Variants in TSHZ2 observed in about 807,000 individuals in gnomAD.
TSHZ2 encodes the protein teashirt homolog 2.
TSHZ2 carries 21 observed loss-of-function variants against 74.4 expected under a neutral mutation model. The ratio of observed to expected loss-of-function variants is 0.28; its 90% CI spans 0.20 to 0.41. The LOEUF is 0.41. Among genes scored for constraint, TSHZ2 ranks in the 10% least tolerant of loss-of-function variants. TSHZ2 has a pLI of 1.00. For missense variants in TSHZ2, 1,244 were observed against 1,293.5 expected (o/e 0.96, Z 0.59); for synonymous variants, 540 against 515.3 (o/e 1.05, Z -0.65).
chr20:53,418,351 C>T (rs1983345603), intron 2 of TSHZ2, among the ~76,000 whole-genome samples: 1 of 152,188 alleles, frequency 6.6e-6, no homozygotes, highest in South Asian at 2.1e-4. Flanking sequence ...CTGATGCAGC[C>T]TGAGGATGTC....
chr20:53,064,689 A>AACACAC (rs111943855), intron 1 of TSHZ2, among the ~76,000 whole-genome samples: 48,451 of 150,650 alleles, frequency 0.32, 7,762 homozygotes, highest in African/African-American at 0.37. Flanking sequence ...TAGACAGAGA[A>AACACAC]ACACACACAC....
At chr20:53,399,757 G>T (rs156607) in intron 2 of TSHZ2, 38,453 of 151,978 alleles carry the variant, frequency 0.25, 8,595 homozygotes, top group African/African-American at 0.6. Context: ...TCTGAAGAGG[G>T]CTCGGTGTTT....
intron 2 of TSHZ2, among the ~76,000 whole-genome samples, chr20:53,386,167 T>C (rs1489463952): frequency 6.6e-6 from 1 of 152,192 alleles, no homozygotes; most frequent in Non-Finnish European, 1.5e-5. Flanking sequence ...TCTGTATTTA[T>C]ATAACAAGCC....
At chr20:53,185,819 A>G (rs558300863) in intron 1 of TSHZ2, 1 of 1,107,520 alleles carries the variant, frequency 9.0e-7, no homozygotes, top group African/African-American at 1.6e-5. Flanking sequence ...CAGTAATTTA[A>G]TTGAGTTTTT....
intron 1 of TSHZ2, among the ~76,000 whole-genome samples, chr20:53,055,464 AGTG>A (rs1190321027): frequency 6.6e-6 from 1 of 152,212 alleles, no homozygotes; most frequent in African/African-American, 2.4e-5. Context: ...AGTTTCAAAA[AGTG>A]GTGTGGGATT....
At chr20:53,485,641 G>A (rs968124278) in intron 2 of TSHZ2, among the ~76,000 whole-genome samples, 2 of 151,994 alleles carry the variant, frequency 1.3e-5, no homozygotes, top group Non-Finnish European at 2.9e-5. Flanking sequence ...CCCAAGAGGC[G>A]GAGGTTGTAA....
chr20:53,457,122 G>A lies in TSHZ2; in HGVS notation c.*9-30022G>A, dbSNP rs1252218765. Among the ~76,000 whole-genome samples the A allele has an allele frequency of 1.4e-3, 169 of 123,958 alleles. 6 individuals are homozygous for A. Among genetic ancestry groups the A allele is most frequent in the African/African-American group, 5.2e-3 (155 of 29,704 alleles). The allele number at this position is 123,958 out of a possible 152,430, so 81.3% of individuals were successfully genotyped here. On this transcript the variant is annotated intron_variant, in intron 2 of 2. Transcript: ENST00000371497. ...AGGCATTGGTAGCTTGATGGGGATGGCATTGAATCTGTAAATTACCTTGGG... is the reference window on the plus strand; with the variant it reads ...AGGCATTGGTAGCTTGATGGGGATGACATTGAATCTGTAAATTACCTTGGG...
chr20:53,479,899 T>TAAC (rs1253881596), intron 2 of TSHZ2, among the ~76,000 whole-genome samples: 1 of 152,056 alleles, frequency 6.6e-6, no homozygotes, highest in East Asian at 1.9e-4. Flanking sequence ...CTGAAAATAT[T>TAAC]AACAGGGCCA....
chr20:53,088,326 TAGAC>T (rs983506792), intron 1 of TSHZ2, among the ~76,000 whole-genome samples: 9 of 152,216 alleles, frequency 5.9e-5, no homozygotes, highest in African/African-American at 1.7e-4. Context: ...CTACTGGAGT[TAGAC>T]AGACATTTTA....
intron 2 of TSHZ2, among the ~76,000 whole-genome samples, chr20:53,420,652 G>C (rs965500823): frequency 6.6e-6 from 1 of 152,236 alleles, no homozygotes; most frequent in Middle Eastern, 3.4e-3. Flanking sequence ...TGAGGCAGGA[G>C]AGTGGGAGGC....
chr20:53,126,822 C>G (rs56293363), intron 1 of TSHZ2, among the ~76,000 whole-genome samples: 2,315 of 150,766 alleles, frequency 0.015, 55 homozygotes, highest in African/African-American at 0.053. Context: ...CAAGGCTTTC[C>G]GGATCCACAC....
intron 2 of TSHZ2, among the ~76,000 whole-genome samples, chr20:53,274,153 C>T (rs1407675431): frequency 1.3e-5 from 2 of 152,128 alleles, no homozygotes; most frequent in Admixed American, 6.5e-5. Context: ...GCCTGTAATC[C>T]CAGCTACTCA....
chr20:53,095,102 A>T (rs1465774303), intron 1 of TSHZ2, among the ~76,000 whole-genome samples: 1 of 152,198 alleles, frequency 6.6e-6, no homozygotes, highest in African/African-American at 2.4e-5. Flanking sequence ...CACGCAACTC[A>T]AAAGTCTAGG....
At chr20:53,089,320 C>CTTTTTT (rs5841928) in intron 1 of TSHZ2, among the ~76,000 whole-genome samples, 2 of 100,022 alleles carry the variant, frequency 2.0e-5, no homozygotes, top group Admixed American at 1.0e-4. Context: ...ATGGGATTTT[C>CTTTTTT]TTTTTTTTTT....
At chr20:53,007,592 G>A (rs761645495) in intron 1 of TSHZ2, among the ~76,000 whole-genome samples, 9 of 152,038 alleles carry the variant, frequency 5.9e-5, no homozygotes, top group Non-Finnish European at 1.0e-4. Context: ...AGTCATCCAA[G>A]AAAGAAATGT....
At chr20:53,344,229 A>T (rs560536704) in intron 2 of TSHZ2, among the ~76,000 whole-genome samples, 4 of 145,466 alleles carry the variant, frequency 2.7e-5, no homozygotes, top group Non-Finnish European at 6.0e-5. Flanking sequence ...CATCATCATC[A>T]TCATCCCCAT....
chr20:53,267,358 G>A (rs529008854), intron 2 of TSHZ2, among the ~76,000 whole-genome samples: 2 of 152,352 alleles, frequency 1.3e-5, no homozygotes, highest in South Asian at 4.1e-4. Flanking sequence ...GAAGGGAGAG[G>A]GAGAGCATGG....
At chr20:53,059,848 A>G (rs1336442218) in intron 1 of TSHZ2, among the ~76,000 whole-genome samples, 2 of 152,230 alleles carry the variant, frequency 1.3e-5, no homozygotes, top group Admixed American at 1.3e-4. Flanking sequence ...CTAACACTTC[A>G]TCCCTTTGGA....
intron 2 of TSHZ2, among the ~76,000 whole-genome samples, chr20:53,288,442 A>G (rs1363560489): frequency 6.6e-6 from 1 of 152,006 alleles, no homozygotes; most frequent in Non-Finnish European, 1.5e-5. Flanking sequence ...CTACTGTTCA[A>G]TAAGTTTTAG....
Sources: allele counts gnomAD v4.1 joint callset (sites outside exome capture counted in the v4.1 genomes callset), GRCh38; gene constraint gnomAD v4.1.1; transcripts MANE v1.5; gene names NCBI Gene and HGNC (gene_info 2026-07-23, HGNC 2026-07-21).